The following NPC2 variants were observed in gnomAD, a reference collection of about 807,000 sequenced individuals.
The protein encoded by NPC2 is Niemann-Pick disease type C2 protein.
In NPC2, 14 loss-of-function variants were observed where a neutral mutation model predicts 17.0. The ratio of observed to expected loss-of-function variants is 0.82; its 90% CI spans 0.54 to 1.29. The LOEUF is 1.29. Among genes scored for constraint, NPC2 ranks in the 50% most tolerant of loss-of-function variants. NPC2 has a pLI of 0.00. For synonymous variants in NPC2, 75 were observed against 69.3 expected, an observed-to-expected ratio of 1.08 and a Z score of -0.41; for missense variants, 167 against 183.4, an observed-to-expected ratio of 0.91 and a Z score of 0.52.
In NPC2 at chr14:74,483,542, C is replaced by T. The variant is rs1405079834; in HGVS notation, c.363+873G>A. On this transcript the variant is annotated intron_variant, in intron 3 of 4. Coordinates refer to ENST00000555619, the MANE Select transcript of NPC2 (RefSeq NM_006432.5). ...TCAGCAGCAGCTCTGAGCTAGGTTA[C>T]AGGAATGAAGAACTATTGCCTAATT... 5.5e-6 allele frequency: 8 copies of T among 1,465,692 alleles called. No individual in the cohort carries two copies. The Admixed American group carries it at 1.4e-4, about 26-fold the overall frequency. 90.8% of individuals were successfully genotyped at this position (1,465,692 alleles called of 1,614,324 possible). A position where few individuals can be genotyped will look rare whatever the true frequency, so the allele number is the denominator to read the frequency against.
intron 1 of NPC2, among the ~76,000 whole-genome samples, chr14:74,486,737 T>A (rs559990929): frequency 1.3e-5 from 2 of 152,282 alleles, no homozygotes; most frequent in African/African-American, 2.4e-5. Context: ...CCATAAATGA[T>A]CATATTAAAG....
In NPC2 at chr14:74,480,797, T is replaced by G; in HGVS notation, c.364-18A>C. 1 of 1,604,960 alleles carries G rather than the reference T, an allele frequency of 6.2e-7. No individual in the cohort carries two copies. The highest frequency in any genetic ancestry group is 1.1e-5 in the South Asian group (1 of 90,882). The stretch of plus-strand genomic sequence containing the variant: ...AGTTTTATCTGGAGAAAGAGAAAAA[T>G]AATTGAGAAAAATGAAAATAGGACC... On this transcript the variant is annotated intron_variant, in intron 3 of 4. Coordinates refer to ENST00000555619, the MANE Select transcript of NPC2 (RefSeq NM_006432.5).
chr14:74,484,025 T>C (rs545711215), intron 3 of NPC2, among the ~76,000 whole-genome samples: 1 of 152,314 alleles, frequency 6.6e-6, no homozygotes, highest in Non-Finnish European at 1.5e-5. Flanking sequence ...GGGTCTTTTA[T>C]AGGAAAAAAA....
At chr14:74,483,465 T>C in intron 3 of NPC2, 3 of 1,556,894 alleles carry the variant, frequency 1.9e-6, no homozygotes, top group Non-Finnish European at 2.6e-6. Context: ...AAAACACCAG[T>C]GGAAAAGAAA....
At position 74,493,254 on chromosome 14, in the gene NPC2, T is replaced by A. The variant is rs150211005; in HGVS notation, c.21A>T (p.Thr7=). Residue 7 remains threonine (T), a synonymous_variant, in exon 1 of 5, where the codon ACA becomes ACT. Coordinates refer to ENST00000555619, the MANE Select transcript of NPC2 (RefSeq NM_006432.5). The surrounding 1 kb of genome is among the most constrained non-coding windows in gnomAD (Gnocchi z 4.1). The part of the protein sequence containing the change: MRFLAA[T]FLLLALSTAA... ...CGGTGCTGAGCGCCAGGAGCAGGAATGTAGCTGCCAGGAAACGCATCGCGG... is the reference window on the plus strand; with the variant it reads ...CGGTGCTGAGCGCCAGGAGCAGGAAAGTAGCTGCCAGGAAACGCATCGCGG... 6 of 1,613,342 alleles carry A rather than the reference T, an allele frequency of 3.7e-6. No homozygotes were observed. Among genetic ancestry groups the A allele is most frequent in the Non-Finnish European group, 5.1e-6 (6 of 1,179,722 alleles).
chr14:74,493,278 G>A lies in NPC2; in HGVS notation c.-4C>T, dbSNP rs2086797560. 1 of 1,612,698 alleles carries A rather than the reference G, an allele frequency of 6.2e-7. No homozygotes were observed. Among genetic ancestry groups the A allele is most frequent in the Non-Finnish European group, 8.5e-7 (1 of 1,179,548 alleles). ...ATGTAGCTGCCAGGAAACGCATCGC[G>A]GATAACGAAGTTCCAAGCTCGGGAA... On this transcript the variant is annotated 5_prime_UTR_variant, in exon 1 of 5. Coordinates refer to ENST00000555619, the MANE Select transcript of NPC2 (RefSeq NM_006432.5). The surrounding 1 kb of genome is among the most constrained non-coding windows in gnomAD (Gnocchi z 4.1).
chr14:74,485,294 CA>C (rs61395005), intron 2 of NPC2, among the ~76,000 whole-genome samples: 37 of 71,302 alleles, frequency 5.2e-4, no homozygotes, highest in African/African-American at 2.5e-3. Context: ...GACTCTGTCA[CA>C]AAAAAAAAAA....
intron 1 of NPC2, among the ~76,000 whole-genome samples, chr14:74,491,394 G>T (rs1009544458): frequency 1.3e-5 from 2 of 152,134 alleles, no homozygotes; most frequent in Non-Finnish European, 2.9e-5. Flanking sequence ...AAAATTAATA[G>T]TGTCTTCATC....
At position 74,480,239 on chromosome 14, in the gene NPC2, C is replaced by T; in HGVS notation, c.*35G>A. On this transcript the variant is annotated 3_prime_UTR_variant, in exon 5 of 5. Transcript: ENST00000555619. ...AGGTGCTGTCAAGAGTCTCAGCAGA[C>T]TCATTGGCCAGATGCACCGAACTCA... 6.2e-7 allele frequency: 1 copy of T among 1,614,162 alleles called. No homozygotes were observed. Among genetic ancestry groups the T allele is most frequent in the Non-Finnish European group, 8.5e-7 (1 of 1,180,036 alleles).
chr14:74,493,461 G>T, upstream of NPC2: 1 of 1,364,450 alleles, frequency 7.3e-7, no homozygotes, highest in Non-Finnish European at 1.0e-6. The surrounding 1 kb of genome is among the most constrained non-coding windows in gnomAD (Gnocchi z 4.1). Context: ...AGGCCCAGAA[G>T]CCTGCAGTCT....
chr14:74,485,592 G>GA (rs2086705090), intron 2 of NPC2, among the ~76,000 whole-genome samples: 3 of 152,008 alleles, frequency 2.0e-5, no homozygotes, highest in African/African-American at 7.3e-5. Flanking sequence ...CTAGTACTTA[G>GA]AGCTGTCTTT....
In NPC2 at chr14:74,484,397, A is replaced by T. The variant is rs768909280; in HGVS notation, c.363+18T>A. ...CAGTCCCAAGGCCTCCCGTGTCCTC[A>T]ATAATGGTATCACTTACAGAGGGAT... On this transcript the variant is annotated intron_variant, in intron 3 of 4. Coordinates refer to ENST00000555619, the MANE Select transcript of NPC2 (RefSeq NM_006432.5). 9 of 1,613,482 alleles carry T rather than the reference A, an allele frequency of 5.6e-6. No individual in the cohort carries two copies. The East Asian group carries it at 2.0e-4, about 36-fold the overall frequency.
intron 1 of NPC2, among the ~76,000 whole-genome samples, chr14:74,491,459 T>C (rs2086771569): frequency 6.6e-6 from 1 of 152,186 alleles, no homozygotes; most frequent in Non-Finnish European, 1.5e-5. Flanking sequence ...GAAGCGATAA[T>C]AGCTTTCAAG....
chr14:74,481,840 T>A (rs186350556), intron 3 of NPC2, among the ~76,000 whole-genome samples: 1 of 152,350 alleles, frequency 6.6e-6, no homozygotes, highest in East Asian at 1.9e-4. Context: ...ACTGACACTC[T>A]GCAGGTCCTT....
chr14:74,484,425 TCG>T lies in NPC2; in HGVS notation c.351_352del (p.Ser117ArgfsTer16). The T allele has an allele frequency of 6.2e-7, 1 of 1,614,146 alleles. No individual in the cohort carries two copies. ...AATGGTATCACTTACAGAGGGATAT[TCG>T]CTTTTCACTGGTAGTTTATTCAGGT... On this transcript the variant is annotated frameshift_variant, in exon 3 of 5. Transcript: ENST00000555619. LOFTEE classifies it high-confidence loss of function.
chr14:74,482,694 T>TG (rs2086667132), intron 3 of NPC2, among the ~76,000 whole-genome samples: 1 of 152,216 alleles, frequency 6.6e-6, no homozygotes, highest in African/African-American at 2.4e-5. Context: ...GCTCAAAACC[T>TG]GGGCTCCACT....
At chr14:74,480,579 T>A (rs771128072) in intron 4 of NPC2, 123 bp downstream of exon 4, 4 of 872,574 alleles carry the variant, frequency 4.6e-6, no homozygotes, top group Non-Finnish European at 2.0e-6. Context: ...TTTTAGAGGT[T>A]GAGAGGCATA....
intron 1 of NPC2, among the ~76,000 whole-genome samples, chr14:74,486,713 T>C (rs1566603283): frequency 6.6e-6 from 1 of 152,216 alleles, no homozygotes; most frequent in African/African-American, 2.4e-5. Flanking sequence ...AACTAAATAA[T>C]ATCAAGACCA....
Position 74,493,022 on chromosome 14 carries a change from T to C in NPC2, c.82+171A>G, listed in dbSNP as rs527337368. 6.6e-6 allele frequency among the ~76,000 whole-genome samples: 1 copy of C among 152,316 alleles called. No individual in the cohort carries two copies. The highest frequency in any genetic ancestry group is 2.4e-5 in the African/African-American group (1 of 41,578). On this transcript the variant is annotated intron_variant, in intron 1 of 4. Coordinates refer to ENST00000555619, the MANE Select transcript of NPC2 (RefSeq NM_006432.5). This position sits in a 1 kb window ranked among gnomAD's most constrained non-coding sequence, Gnocchi z 4.1. ...CAAAGTTGTGCGCGGTCGGGTTTCA[T>C]GGAGGCCGGCGCCTTCTCCCCCGAC...
Sources: gnomAD v4.1 joint callset for allele counts (sites outside exome capture counted in the v4.1 genomes callset) on GRCh38, gnomAD v4.1.1 for gene constraint, Gnocchi (gnomAD v3.1) non-coding constraint, MANE v1.5 for transcripts, NCBI Gene and HGNC (gene_info 2026-07-23, HGNC 2026-07-21) for gene names.